The following IL1RAP variants were observed in gnomAD, a reference collection of about 807,000 sequenced individuals.
IL1RAP encodes the protein interleukin 1 receptor accessory protein.
IL1RAP carries 35 observed loss-of-function variants against 60.7 expected under a neutral mutation model. The observed-to-expected ratio is 0.58, with a 90% CI of 0.44 to 0.76. The LOEUF (loss-of-function observed/expected upper bound fraction) is 0.76, where lower values mean the gene tolerates loss of function less well. IL1RAP is among the 30% of genes least tolerant of loss of function. IL1RAP has a pLI of 0.00. For missense variants in IL1RAP, 572 were observed against 693.9 expected (o/e 0.82, Z 1.97); for synonymous variants, 268 against 250.9 (o/e 1.07, Z -0.64).
Position 190,650,606 on chromosome 3 carries a change from A to T in IL1RAP, c.*1901A>T, listed in dbSNP as rs562880002. ...AATTATATCCTATATTTAAGTACCC[A>T]TAATAAATCATTTCCCTCTATAAGT... On this transcript the variant is annotated 3_prime_UTR_variant, in exon 12 of 12. Coordinates refer to ENST00000447382, the MANE Select transcript of IL1RAP (RefSeq NM_002182.4). 15 of 859,626 alleles carry T rather than the reference A, an allele frequency of 1.7e-5. No individual in the cohort carries two copies. In the East Asian group the frequency reaches 1.1e-3, roughly 63 times the overall value. 53.2% of individuals were successfully genotyped at this position (859,626 alleles called of 1,614,324 possible).
intron 3 of IL1RAP, among the ~76,000 whole-genome samples, chr3:190,590,350 G>A (rs3773961): frequency 0.17 from 25,783 of 151,628 alleles, 2,761 homozygotes; most frequent in East Asian, 0.44. Flanking sequence ...CTACCTCCCG[G>A]GTTCAAGCAA....
intron 5 of IL1RAP, among the ~76,000 whole-genome samples, chr3:190,614,508 C>T (rs934913353): frequency 2.0e-5 from 3 of 152,040 alleles, no homozygotes; most frequent in African/African-American, 7.2e-5. Flanking sequence ...ACTGAACACA[C>T]GTATTGTTCC....
At chr3:190,656,164 C>T (rs930398183), downstream of IL1RAP, 25 of 1,537,100 alleles carry the variant, frequency 1.6e-5, no homozygotes, top group East Asian at 4.9e-5. Flanking sequence ...GAAAGCTTTG[C>T]GGTTGGCTCT....
intron 3 of IL1RAP, among the ~76,000 whole-genome samples, chr3:190,567,646 T>C (rs1726534884): frequency 6.6e-6 from 1 of 152,092 alleles, no homozygotes; most frequent in Admixed American, 6.5e-5. Flanking sequence ...AAGATTAAGA[T>C]CTAAGGGATC....
intron 3 of IL1RAP, among the ~76,000 whole-genome samples, chr3:190,593,307 T>C (rs1729103453): frequency 6.6e-6 from 1 of 152,198 alleles, no homozygotes; most frequent in African/African-American, 2.4e-5. Flanking sequence ...TGATGGATGC[T>C]CACAGACACT....
At chr3:190,609,441 A>G (rs968971844) in intron 5 of IL1RAP, among the ~76,000 whole-genome samples, 4 of 152,186 alleles carry the variant, frequency 2.6e-5, no homozygotes, top group Non-Finnish European at 5.9e-5. Flanking sequence ...TGTTAACTTC[A>G]TGTGAAATAC....
chr3:190,537,559 T>G (rs1403935315), intron 1 of IL1RAP, among the ~76,000 whole-genome samples: 1 of 152,170 alleles, frequency 6.6e-6, no homozygotes, highest in African/African-American at 2.4e-5. Flanking sequence ...CAGGCCATAT[T>G]TTGTTTTGAT....
intron 1 of IL1RAP, among the ~76,000 whole-genome samples, chr3:190,548,754 G>A (rs996079358): frequency 2.6e-5 from 4 of 152,226 alleles, no homozygotes; most frequent in African/African-American, 9.6e-5. Flanking sequence ...AGACTCTGGA[G>A]AAGCTGCAGA....
intron 3 of IL1RAP, among the ~76,000 whole-genome samples, chr3:190,602,601 T>G (rs982963518): frequency 1.3e-5 from 2 of 152,132 alleles, no homozygotes; most frequent in African/African-American, 4.8e-5. Context: ...AACTATGGAA[T>G]TTATAATGGT....
intron 1 of IL1RAP, among the ~76,000 whole-genome samples, chr3:190,522,427 C>G (rs142576719): frequency 0.016 from 1,640 of 103,930 alleles, 30 homozygotes; most frequent in African/African-American, 0.049. Context: ...ATGTATCTAT[C>G]TATCTATCTA....
At chr3:190,647,456 G>A (rs1016396736) in intron 11 of IL1RAP, among the ~76,000 whole-genome samples, 6 of 152,224 alleles carry the variant, frequency 3.9e-5, no homozygotes, top group African/African-American at 1.4e-4. Context: ...TTGGTTCCAA[G>A]AATTTAGTGA....
chr3:190,522,344 C>CCTT, intron 1 of IL1RAP, among the ~76,000 whole-genome samples: 4 of 113,318 alleles, frequency 3.5e-5, no homozygotes, highest in Admixed American at 3.0e-4. Flanking sequence ...CTTCCTTCCT[C>CCTT]CCTCCCTCCC....
At chr3:190,658,273 C>T (rs1048769318) in exon 12 of IL1RAP, 1 of 152,126 alleles carries the variant, frequency 6.6e-6, no homozygotes, top group African/African-American at 2.4e-5. Flanking sequence ...CTGAGGGCAA[C>T]TAGTTTGTAA....
intron 3 of IL1RAP, among the ~76,000 whole-genome samples, chr3:190,600,003 T>G (rs545132415): frequency 6.6e-6 from 1 of 152,268 alleles, no homozygotes; most frequent in African/African-American, 2.4e-5. Context: ...TTTCCTTGAA[T>G]AATTTGATTT....
chr3:190,633,209 C>T (rs866232813), intron 9 of IL1RAP, among the ~76,000 whole-genome samples: 1 of 152,154 alleles, frequency 6.6e-6, no homozygotes, highest in African/African-American at 2.4e-5. Flanking sequence ...CTGTATTTTC[C>T]AGTCCATGGA....
chr3:190,550,795 A>G (rs972014882), intron 1 of IL1RAP, among the ~76,000 whole-genome samples: 1 of 152,192 alleles, frequency 6.6e-6, no homozygotes, highest in Non-Finnish European at 1.5e-5. Flanking sequence ...ATAACTAATG[A>G]ATTTAGAATT....
intron 5 of IL1RAP, among the ~76,000 whole-genome samples, chr3:190,610,196 G>A (rs1322835389): frequency 6.6e-6 from 1 of 152,134 alleles, no homozygotes; most frequent in Non-Finnish European, 1.5e-5. Flanking sequence ...AACAAAGCCA[G>A]GACGTCTTAA....
At chr3:190,626,689 G>T (rs1732303393) in intron 7 of IL1RAP, among the ~76,000 whole-genome samples, 1 of 103,714 alleles carries the variant, frequency 9.6e-6, no homozygotes. Context: ...TTTTTTTTTG[G>T]AGATGGAGTC....
In IL1RAP at chr3:190,623,401, A is replaced by G. The variant is rs758022702; in HGVS notation, c.761A>G (p.Tyr254Cys). The change falls in exon 7 of 12, where the codon TAT becomes TGT. Residue 254 changes from tyrosine to cysteine, a missense_variant. Tyr to Cys is a radical substitution (Grantham distance 194). Transcript: ENST00000447382. ...CATTCACCTAATGATCATGTGGTCT[A>G]TGAGAAAGAACCAGGTAATTACAGC... ...VIHSPNDHVV[Y>C]EKEPGEELLI... is the part of the protein sequence containing the mutation. 1 of 1,611,948 alleles carries G rather than the reference A, an allele frequency of 6.2e-7. No homozygotes were observed. Among genetic ancestry groups the G allele is most frequent in the Admixed American group, 1.7e-5 (1 of 60,030 alleles).
Sources: allele counts gnomAD v4.1 joint callset (sites outside exome capture counted in the v4.1 genomes callset), GRCh38; gene constraint gnomAD v4.1.1; transcripts MANE v1.5; gene names NCBI Gene and HGNC (gene_info 2026-07-23, HGNC 2026-07-21).